RAB22A: variants seen among roughly 807,000 people sequenced by gnomAD.
The protein encoded by RAB22A is RAB22A, member RAS oncogene family, also known as ras-related protein Rab-22A.
Under a neutral mutation model 30.2 loss-of-function variants are expected in RAB22A, and 13 were observed. The ratio of observed to expected loss-of-function variants is 0.43; its 90% confidence interval spans 0.28 to 0.68. The LOEUF (loss-of-function observed/expected upper bound fraction) is 0.68. RAB22A is among the 30% of genes least tolerant of loss of function. The pLI is 0.18. For synonymous variants in RAB22A, 89 were observed against 87.2 expected, an observed-to-expected ratio of 1.02 and a Z score of -0.11; for missense variants, 177 against 246.8, an observed-to-expected ratio of 0.72 and a Z score of 1.89.
chr20:58,338,717 CT>C (rs1986804768), intron 2 of RAB22A, among the ~76,000 whole-genome samples: 1 of 152,198 alleles, frequency 6.6e-6, no homozygotes, highest in Non-Finnish European at 1.5e-5. Flanking sequence ...TTGCACCATT[CT>C]AACAGAGACA....
chr20:58,349,404 G>C (rs1333708218), intron 3 of RAB22A, among the ~76,000 whole-genome samples: 1 of 152,144 alleles, frequency 6.6e-6, no homozygotes, highest in East Asian at 1.9e-4. Flanking sequence ...AAAAAGAGGA[G>C]GCAAATCGCA....
intron 2 of RAB22A, among the ~76,000 whole-genome samples, chr20:58,343,409 A>G (rs907099341): frequency 1.3e-5 from 2 of 152,048 alleles, no homozygotes; most frequent in African/African-American, 4.8e-5. Context: ...ACATCTCTTT[A>G]AATAACAGGT....
intron 3 of RAB22A, among the ~76,000 whole-genome samples, chr20:58,346,794 G>A (rs2122962167): frequency 6.6e-6 from 1 of 152,302 alleles, no homozygotes; most frequent in East Asian, 1.9e-4. Flanking sequence ...TTGGTTGGTT[G>A]GATGAATCAG....
In RAB22A at chr20:58,343,716, A is replaced by AG; in HGVS notation, c.118dup. 1 of 1,602,486 alleles carries AG rather than the reference A, an allele frequency of 6.2e-7. No homozygotes were observed. Among genetic ancestry groups the AG allele is most frequent in the Non-Finnish European group, 8.6e-7 (1 of 1,169,456 alleles). On this transcript the variant is annotated splice_acceptor_variant, in intron 2 of 6. Coordinates refer to ENST00000244040, the MANE Select transcript of RAB22A (RefSeq NM_020673.3). LOFTEE classifies it high-confidence loss of function. The stretch of plus-strand genomic sequence containing the variant: ...TCTGATCATTTAGGTCTCTCTTTAT[A>AG]GGGCATCTTTTATGACCAAGACTGT...
At chr20:58,322,380 T>C (rs1379048556) in intron 2 of RAB22A, among the ~76,000 whole-genome samples, 1 of 152,216 alleles carries the variant, frequency 6.6e-6, no homozygotes, top group Non-Finnish European at 1.5e-5. Context: ...GTACAGTTGC[T>C]ACTAGCCACA....
chr20:58,353,152 T>C (rs1389757390), intron 3 of RAB22A, 121 bp from the exon 4 acceptor site: 7 of 918,070 alleles, frequency 7.6e-6, no homozygotes, highest in Non-Finnish European at 1.1e-5. Context: ...AAGCAGCATG[T>C]CATTTTCTTG....
rs1987258314 is a variant in RAB22A at position 58,363,223 on chromosome 20, A to G, written c.*3520A>G. ...CTCAGAAAGGCATTTGCTCATGGTT[A>G]CAGGCATCTTTTAGATTCTAAGAGT... On this transcript the variant is annotated 3_prime_UTR_variant, in exon 7 of 7. Coordinates refer to ENST00000244040, the MANE Select transcript of RAB22A (RefSeq NM_020673.3). The G allele has an allele frequency of 6.6e-6, 1 of 152,226 alleles. No homozygotes were observed. The highest frequency in any genetic ancestry group is 6.5e-5 in the Admixed American group (1 of 15,288). The allele number at this position is 152,226 out of a possible 1,614,324, so 9.4% of individuals were successfully genotyped here.
intron 2 of RAB22A, among the ~76,000 whole-genome samples, chr20:58,323,861 G>GAAAAAGAGT (rs1986506685): frequency 6.6e-6 from 1 of 151,328 alleles, no homozygotes; most frequent in Non-Finnish European, 1.5e-5. Flanking sequence ...CATGTATTTG[G>GAAAAAGAGT]CTAATCACAT....
intron 3 of RAB22A, chr20:58,345,564 G>A (rs1986931687): frequency 6.6e-6 from 1 of 152,454 alleles, no homozygotes; most frequent in South Asian, 2.1e-4. Flanking sequence ...GCCCTGCATG[G>A]AGAAGACAGG....
chr20:58,321,831 T>TG (rs1986466797), intron 2 of RAB22A, among the ~76,000 whole-genome samples: 1 of 152,304 alleles, frequency 6.6e-6, no homozygotes, highest in Non-Finnish European at 1.5e-5. Flanking sequence ...AACAAGGTCT[T>TG]GCTCCATCTG....
At chr20:58,317,825 C>T (rs140652759) in intron 2 of RAB22A, among the ~76,000 whole-genome samples, 4,628 of 149,728 alleles carry the variant, frequency 0.031, 243 homozygotes, top group African/African-American at 0.11. Flanking sequence ...GGATTACAGG[C>T]GTGAACCACC....
chr20:58,328,881 A>T (rs1227769411), intron 2 of RAB22A, among the ~76,000 whole-genome samples: 1 of 152,186 alleles, frequency 6.6e-6, no homozygotes, highest in African/African-American at 2.4e-5. Flanking sequence ...GTTTTATTTT[A>T]CACACATATT....
chr20:58,316,010 A>C (rs1210167953), intron 2 of RAB22A, among the ~76,000 whole-genome samples: 2 of 152,108 alleles, frequency 1.3e-5, no homozygotes, highest in African/African-American at 4.8e-5. Flanking sequence ...CCTCCCCAGC[A>C]CACACCAAGC....
intron 1 of RAB22A, 93 bp downstream of exon 1, chr20:58,310,105 C>T: frequency 2.5e-6 from 3 of 1,177,034 alleles, no homozygotes; most frequent in Non-Finnish European, 3.2e-6. Context: ...TTCCCCCCTC[C>T]CACGTCCAAG....
At chr20:58,354,552 T>G (rs556850245) in intron 6 of RAB22A, among the ~76,000 whole-genome samples, 1 of 152,340 alleles carries the variant, frequency 6.6e-6, no homozygotes, top group East Asian at 1.9e-4. Context: ...TATGTTTCTG[T>G]TAGTCGTCCA....
intron 2 of RAB22A, among the ~76,000 whole-genome samples, chr20:58,342,023 AAAT>A (rs1000394666): frequency 6.6e-5 from 10 of 152,158 alleles, no homozygotes; most frequent in Admixed American, 2.6e-4. Context: ...AGCTGCCTTT[AAAT>A]AATAATAATA....
chr20:58,319,222 TATAAAAGTTCTAGAA>T (rs1220713867), intron 2 of RAB22A, among the ~76,000 whole-genome samples: 1 of 151,988 alleles, frequency 6.6e-6, no homozygotes, highest in Non-Finnish European at 1.5e-5. Context: ...TTAATAAGGC[TATAAAAGTTCTAGAA>T]CAACATTGGA....
intron 1 of RAB22A, among the ~76,000 whole-genome samples, chr20:58,310,827 C>T (rs1363717080): frequency 6.6e-6 from 1 of 152,236 alleles, no homozygotes; most frequent in Non-Finnish European, 1.5e-5. Flanking sequence ...AGGTCCTAAT[C>T]TGTCTTAACG....
chr20:58,332,527 T>C (rs1450890750), intron 2 of RAB22A, among the ~76,000 whole-genome samples: 1 of 152,188 alleles, frequency 6.6e-6, no homozygotes, highest in Non-Finnish European at 1.5e-5. Flanking sequence ...AGTCATCTTA[T>C]AAAATGTCCA....
Sources: allele counts gnomAD v4.1 joint callset (sites outside exome capture counted in the v4.1 genomes callset), GRCh38; gene constraint gnomAD v4.1.1; transcripts MANE v1.5; gene names NCBI Gene and HGNC (gene_info 2026-07-23, HGNC 2026-07-21).